RNF2: variants seen among roughly 807,000 people sequenced by gnomAD.
RNF2 encodes the protein ring finger protein 2, also known as E3 ubiquitin-protein ligase RING2.
RNF2 carries 6 observed loss-of-function variants against 37.2 expected under a neutral mutation model. The observed-to-expected ratio is 0.16, with a 90% CI of 0.09 to 0.32. RNF2 has a LOEUF of 0.32. RNF2 is among the 10% of genes least tolerant of loss of function. The pLI is 1.00. For synonymous variants in RNF2, 133 were observed against 132.7 expected (o/e 1.00, Z -0.02); for missense variants, 251 against 404.0 (o/e 0.62, Z 3.25).
chr1:185,102,309 C>T lies in RNF2; in HGVS notation c.*2008C>T, dbSNP rs148365943. On this transcript the variant is annotated 3_prime_UTR_variant, in exon 7 of 7. Transcript: ENST00000367510. The stretch of plus-strand genomic sequence containing the variant: ...GATGCTATTGGCCATCACTACCAAC[C>T]AGGGTTTCAAAAAGTATTACCTAAG... 30 of 152,166 alleles carry T rather than the reference C, an allele frequency of 2.0e-4. No homozygotes were observed. The East Asian group carries it at 4.2e-3, about 22-fold the overall frequency. 9.4% of individuals were successfully genotyped at this position (152,166 alleles called of 1,614,324 possible).
chr1:185,068,099 G>C (rs1369958036), intron 1 of RNF2, among the ~76,000 whole-genome samples: 2 of 151,946 alleles, frequency 1.3e-5, no homozygotes, highest in Non-Finnish European at 2.9e-5. Flanking sequence ...TGCCTCCCAG[G>C]TTCAAGCGAT....
chr1:185,087,521 A>G (rs1651637745), intron 1 of RNF2, 31 bp from the exon 2 acceptor site: 2 of 1,592,440 alleles, frequency 1.3e-6, no homozygotes, highest in Admixed American at 1.7e-5. Flanking sequence ...TCCAAATACT[A>G]AAATTGTTTT....
At chr1:185,053,209 TA>T (rs897559725) in intron 1 of RNF2, among the ~76,000 whole-genome samples, 10 of 152,112 alleles carry the variant, frequency 6.6e-5, no homozygotes, top group Non-Finnish European at 1.3e-4. Context: ...ATTATTCCCA[TA>T]AAAAAATCCC....
chr1:185,060,453 T>A (rs184427540), intron 1 of RNF2, among the ~76,000 whole-genome samples: 199 of 152,348 alleles, frequency 1.3e-3, no homozygotes, highest in Non-Finnish European at 9.6e-4. Context: ...AGTTGGTAGT[T>A]TCCCTTGCTC....
intron 4 of RNF2, among the ~76,000 whole-genome samples, chr1:185,094,406 G>A (rs1031788047): frequency 1.3e-5 from 2 of 152,102 alleles, no homozygotes. Flanking sequence ...CTCCCAAAGT[G>A]CTGAGATTAC....
chr1:185,054,978 G>A (rs1350927359), intron 1 of RNF2, among the ~76,000 whole-genome samples: 1 of 152,228 alleles, frequency 6.6e-6, no homozygotes, highest in African/African-American at 2.4e-5. Flanking sequence ...AGGATTACAG[G>A]CATGAGCCAA....
At chr1:185,061,482 C>G (rs1650603875) in intron 1 of RNF2, among the ~76,000 whole-genome samples, 1 of 151,808 alleles carries the variant, frequency 6.6e-6, no homozygotes. Context: ...GCCTTTAGCA[C>G]CAAGGCCAAC....
intron 1 of RNF2, among the ~76,000 whole-genome samples, chr1:185,084,590 G>C (rs1485844933): frequency 6.6e-6 from 1 of 152,140 alleles, no homozygotes; most frequent in Admixed American, 6.6e-5. Flanking sequence ...GGTCACAAAA[G>C]GCCATTGCAT....
At chr1:185,063,007 G>A (rs188144168) in intron 1 of RNF2, among the ~76,000 whole-genome samples, 10 of 152,276 alleles carry the variant, frequency 6.6e-5, no homozygotes, top group African/African-American at 1.9e-4. Context: ...GTATTTGTCA[G>A]AATAAAAAAA....
intron 1 of RNF2, among the ~76,000 whole-genome samples, chr1:185,067,780 G>A (rs566240666): frequency 7.5e-5 from 11 of 146,474 alleles, no homozygotes; most frequent in Non-Finnish European, 1.2e-4. Context: ...ATGCAATCTC[G>A]GCTCTCGGCA....
chr1:185,051,159 T>C (rs1206211374), intron 1 of RNF2, among the ~76,000 whole-genome samples: 1 of 152,354 alleles, frequency 6.6e-6, no homozygotes, highest in African/African-American at 2.4e-5. Context: ...AAAAAAGATG[T>C]ATGCCTCCAT....
At chr1:185,076,308 T>TTTTTTTTG (rs1431777673) in intron 1 of RNF2, among the ~76,000 whole-genome samples, 2 of 113,242 alleles carry the variant, frequency 1.8e-5, no homozygotes, top group Non-Finnish European at 1.7e-5. Flanking sequence ...TTTTTTTTTT[T>TTTTTTTTG]GAGACAGAGT....
chr1:185,098,833 C>A (rs909464212), intron 5 of RNF2, among the ~76,000 whole-genome samples: 2 of 151,770 alleles, frequency 1.3e-5, no homozygotes, highest in African/African-American at 4.8e-5. Context: ...CTCACTGCAG[C>A]CTCCGCCTCC....
chr1:185,052,802 T>A (rs1468807058), intron 1 of RNF2, among the ~76,000 whole-genome samples: 1 of 152,130 alleles, frequency 6.6e-6, no homozygotes, highest in Non-Finnish European at 1.5e-5. Context: ...TGGGCAAATA[T>A]CAGCTGGGGA....
intron 5 of RNF2, 125 bp downstream of exon 5, chr1:185,098,469 T>C (rs565422418): frequency 1.8e-6 from 2 of 1,095,886 alleles, no homozygotes; most frequent in South Asian, 3.1e-5. Flanking sequence ...GTTCAGTTAC[T>C]AGCTGCCTAG....
intron 4 of RNF2, among the ~76,000 whole-genome samples, chr1:185,096,164 G>A (rs1017253648): frequency 6.6e-6 from 1 of 151,968 alleles, no homozygotes; most frequent in Non-Finnish European, 1.5e-5. Context: ...TTTAGTTGTG[G>A]ATTTTAGAAT....
chr1:185,093,526 GTTGTAAC>G (rs1005257750), intron 4 of RNF2, among the ~76,000 whole-genome samples: 16 of 152,110 alleles, frequency 1.1e-4, no homozygotes, highest in African/African-American at 3.9e-4. Flanking sequence ...CCTTGAAAGA[GTTGTAAC>G]TCCAATTCTT....
At chr1:185,084,534 G>A (rs1651524978) in intron 1 of RNF2, among the ~76,000 whole-genome samples, 1 of 152,160 alleles carries the variant, frequency 6.6e-6, no homozygotes, top group Admixed American at 6.5e-5. Flanking sequence ...GAATCTTCTA[G>A]GGATGCTGTT....
At chr1:185,068,818 CTT>C (rs2102169742) in intron 1 of RNF2, among the ~76,000 whole-genome samples, 1 of 152,288 alleles carries the variant, frequency 6.6e-6, no homozygotes, top group African/African-American at 2.4e-5. Context: ...TACCTAAACT[CTT>C]TCTCCTTTTG....
Sources: allele counts gnomAD v4.1 joint callset (sites outside exome capture counted in the v4.1 genomes callset), GRCh38; gene constraint gnomAD v4.1.1; transcripts MANE v1.5; gene names NCBI Gene and HGNC (gene_info 2026-07-23, HGNC 2026-07-21).